Variants in CDH8 observed in about 807,000 individuals in gnomAD.
CDH8 encodes cadherin 8, also known as cadherin-8.
In CDH8, 17 loss-of-function variants were observed where a neutral mutation model predicts 68.1. That is an observed-to-expected ratio of 0.25 (90% CI 0.17 to 0.37). The LOEUF (loss-of-function observed/expected upper bound fraction) is 0.37. Ranked by LOEUF, CDH8 falls within the 10% of genes least tolerant of loss-of-function variation. CDH8 has a pLI of 1.00. For synonymous variants in CDH8, 372 were observed against 365.1 expected (o/e 1.02, Z -0.21); for missense variants, 763 against 999.3 (o/e 0.76, Z 3.19).
chr16:61,945,332 A>G (rs1964784159), intron 2 of CDH8, among the ~76,000 whole-genome samples: 1 of 152,108 alleles, frequency 6.6e-6, no homozygotes, highest in African/African-American at 2.4e-5. Flanking sequence ...GCTTCTTAAA[A>G]AACGGTTATT....
At chr16:62,030,048 T>C (rs1387506629) in intron 1 of CDH8, among the ~76,000 whole-genome samples, 1 of 152,190 alleles carries the variant, frequency 6.6e-6, no homozygotes, top group East Asian at 1.9e-4. Flanking sequence ...TTACACTGTG[T>C]AGTAACCATG....
chr16:61,887,456 G>A (rs1489619462), intron 3 of CDH8, among the ~76,000 whole-genome samples: 1 of 152,116 alleles, frequency 6.6e-6, no homozygotes, highest in African/African-American at 2.4e-5. Context: ...CAAGATGCTG[G>A]CAGACTTAAC....
chr16:61,838,065 G>A (rs1962605482), intron 4 of CDH8, among the ~76,000 whole-genome samples: 1 of 148,968 alleles, frequency 6.7e-6, no homozygotes, highest in African/African-American at 2.5e-5. Context: ...AGTGACAGTT[G>A]TCAAAATACA....
chr16:61,695,432 T>C (rs1471159295), intron 10 of CDH8, among the ~76,000 whole-genome samples: 8 of 152,324 alleles, frequency 5.3e-5, no homozygotes, highest in Non-Finnish European at 8.8e-5. Flanking sequence ...TTGGGCCACC[T>C]TTCAACTAGT....
At chr16:61,890,573 T>G (rs1461596721) in intron 3 of CDH8, among the ~76,000 whole-genome samples, 3 of 152,164 alleles carry the variant, frequency 2.0e-5, no homozygotes, top group African/African-American at 7.2e-5. Context: ...GACACATTGT[T>G]TACCTATGGC....
At chr16:61,977,431 G>T (rs540837911) in intron 2 of CDH8, among the ~76,000 whole-genome samples, 1 of 152,242 alleles carries the variant, frequency 6.6e-6, no homozygotes, top group Non-Finnish European at 1.5e-5. Flanking sequence ...AATTGAAAGA[G>T]AAACGATTTC....
chr16:61,706,025 A>C (rs1964523243), intron 10 of CDH8, among the ~76,000 whole-genome samples: 1 of 152,186 alleles, frequency 6.6e-6, no homozygotes, highest in South Asian at 2.1e-4. Flanking sequence ...ACACCAAATA[A>C]ATATGTATTG....
At chr16:61,987,107 C>A (rs1306237085) in intron 2 of CDH8, among the ~76,000 whole-genome samples, 1 of 152,200 alleles carries the variant, frequency 6.6e-6, no homozygotes, top group African/African-American at 2.4e-5. Context: ...CTCTCCGATG[C>A]TAATTCATAA....
intron 4 of CDH8, among the ~76,000 whole-genome samples, chr16:61,849,366 C>A (rs1302967566): frequency 6.6e-6 from 1 of 151,854 alleles, no homozygotes; most frequent in Non-Finnish European, 1.5e-5. Flanking sequence ...AGGAGGAAAC[C>A]CCACAGGTGA....
chr16:61,760,862 TCAAA>T lies in CDH8; in HGVS notation c.1414+28480_1414+28483del, dbSNP rs562622728. On this transcript the variant is annotated intron_variant, in intron 8 of 11. Coordinates refer to ENST00000577390, the MANE Select transcript of CDH8 (RefSeq NM_001796.5). ...TGTGGGTTAAAATTAATTATAAATA[TCAAA>T]CAAAGACGAGTCATCATTGTATTTG... 1.6e-4 allele frequency among the ~76,000 whole-genome samples: 24 copies of T among 152,158 alleles called. No homozygotes were observed. The South Asian group carries it at 3.9e-3, about 25-fold the overall frequency.
chr16:61,895,852 T>C (rs1167733456), intron 3 of CDH8, among the ~76,000 whole-genome samples: 2 of 152,166 alleles, frequency 1.3e-5, no homozygotes, highest in African/African-American at 4.8e-5. Context: ...ACGTTAAATA[T>C]AATTATTGAA....
chr16:61,687,349 ACT>A (rs1964129791), intron 10 of CDH8, among the ~76,000 whole-genome samples: 1 of 151,906 alleles, frequency 6.6e-6, no homozygotes, highest in African/African-American at 2.4e-5. Flanking sequence ...AGTAATCTTA[ACT>A]TTAGATGAGG....
intron 1 of CDH8, among the ~76,000 whole-genome samples, chr16:62,035,793 A>C (rs1443300549): frequency 6.6e-6 from 1 of 152,176 alleles, no homozygotes; most frequent in Non-Finnish European, 1.5e-5. Context: ...AACCGGCAGG[A>C]AAACTGGAGG....
Position 61,648,569 on chromosome 16 carries a change from C to A in CDH8, c.*5039G>T, listed in dbSNP as rs1963253560. 2 of 151,656 alleles carry A rather than the reference C, an allele frequency of 1.3e-5. No individual in the cohort carries two copies. Among genetic ancestry groups the A allele is most frequent in the South Asian group, 4.2e-4 (2 of 4,814 alleles). 9.4% of individuals were successfully genotyped at this position (151,656 alleles called of 1,614,324 possible). Reference sequence around the variant, plus strand: ...AAGTTAAGGGGATTTAGTGTCAGATCAACCAAACTTAAACCCAGACTCAAA... The same window carrying A: ...AAGTTAAGGGGATTTAGTGTCAGATAAACCAAACTTAAACCCAGACTCAAA... On this transcript the variant is annotated 3_prime_UTR_variant, in exon 12 of 12. Coordinates refer to ENST00000577390, the MANE Select transcript of CDH8 (RefSeq NM_001796.5).
chr16:61,915,602 C>G (rs568058860), intron 2 of CDH8, among the ~76,000 whole-genome samples: 1 of 152,262 alleles, frequency 6.6e-6, no homozygotes, highest in South Asian at 2.1e-4. Flanking sequence ...GTTCACAAAA[C>G]TAGGTGTTTA....
At chr16:61,812,548 G>T (rs1234608164) in intron 7 of CDH8, among the ~76,000 whole-genome samples, 2 of 151,946 alleles carry the variant, frequency 1.3e-5, no homozygotes, top group Non-Finnish European at 2.9e-5. Flanking sequence ...TCAAAGCCAT[G>T]GTGACACCCA....
At chr16:61,813,886 C>T (rs1441933940) in intron 7 of CDH8, among the ~76,000 whole-genome samples, 1 of 152,004 alleles carries the variant, frequency 6.6e-6, no homozygotes, top group Non-Finnish European at 1.5e-5. Flanking sequence ...TAACAACATC[C>T]GTAGCAGTAG....
At chr16:61,963,862 G>A (rs1965200386) in intron 2 of CDH8, among the ~76,000 whole-genome samples, 1 of 152,124 alleles carries the variant, frequency 6.6e-6, no homozygotes, top group Admixed American at 6.5e-5. Flanking sequence ...TTTTAAGTTT[G>A]TTCAAACCCT....
chr16:61,941,585 G>A (rs1369974470), intron 2 of CDH8, among the ~76,000 whole-genome samples: 1 of 152,164 alleles, frequency 6.6e-6, no homozygotes, highest in African/African-American at 2.4e-5. Flanking sequence ...AAGTGGCTGG[G>A]ATTATGGGCA....
Sources: allele counts gnomAD v4.1 joint callset (sites outside exome capture counted in the v4.1 genomes callset), GRCh38; gene constraint gnomAD v4.1.1; transcripts MANE v1.5; gene names NCBI Gene and HGNC (gene_info 2026-07-23, HGNC 2026-07-21).